Variants in HDAC4 observed in about 807,000 individuals in gnomAD.
HDAC4 encodes histone deacetylase 4.
Under a neutral mutation model 135.1 loss-of-function variants are expected in HDAC4, and 16 were observed. That is an observed-to-expected ratio of 0.12 (90% CI 0.08 to 0.18). The LOEUF (loss-of-function observed/expected upper bound fraction) is 0.18. Among genes scored for constraint, HDAC4 ranks in the 10% least tolerant of loss-of-function variants. The probability of loss-of-function intolerance (pLI) is 1.00; values close to 1 mark genes in which losing one functional copy is unlikely to be tolerated. For synonymous variants in HDAC4, 685 were observed against 653.4 expected (o/e 1.05, Z -0.74); for missense variants, 1,143 against 1,511.8 (o/e 0.76, Z 4.05).
chr2:239,114,177 C>T (rs2038925781), intron 13 of HDAC4, among the ~76,000 whole-genome samples: 1 of 152,150 alleles, frequency 6.6e-6, no homozygotes, highest in South Asian at 2.1e-4. Context: ...TTCCAAGGTG[C>T]TGCTGGGGGT....
At chr2:239,364,813 A>G (rs1204555736) in intron 1 of HDAC4, among the ~76,000 whole-genome samples, 3 of 152,246 alleles carry the variant, frequency 2.0e-5, no homozygotes, top group Non-Finnish European at 4.4e-5. Flanking sequence ...GAAGTATTTT[A>G]TAATTCTTGC....
chr2:239,177,123 A>G (rs2043825164), intron 4 of HDAC4, among the ~76,000 whole-genome samples: 1 of 152,246 alleles, frequency 6.6e-6, no homozygotes. Context: ...TGTGTTCATC[A>G]AAGAGAATAC....
At position 239,352,906 on chromosome 2, in the gene HDAC4, TCTGCAGATGAAC is replaced by T; in HGVS notation, c.-219_-208del. The T allele has an allele frequency of 1.7e-6, 1 of 605,446 alleles. No individual in the cohort carries two copies. The highest frequency in any genetic ancestry group is 3.0e-6 in the Non-Finnish European group (1 of 337,180). 37.5% of individuals were successfully genotyped at this position (605,446 alleles called of 1,614,324 possible). A position where few individuals can be genotyped will look rare whatever the true frequency, so the allele number is the denominator to read the frequency against. ...AGTTGAACAGAGGCGTCCGCTGGCT[TCTGCAGATGAAC>T]CTGCAAGGTCAGAAGGAGAAAAGAG... On this transcript the variant is annotated splice_region_variant and 5_prime_UTR_variant, in exon 2 of 27. Coordinates refer to ENST00000543185, the MANE Select transcript of HDAC4 (RefSeq NM_001378414.1). The surrounding 1 kb of genome is among the most constrained non-coding windows in gnomAD (Gnocchi z 4.4).
intron 2 of HDAC4, among the ~76,000 whole-genome samples, chr2:239,265,938 G>C (rs2049697977): frequency 6.6e-6 from 1 of 152,190 alleles, no homozygotes. Flanking sequence ...GGTGGGATGA[G>C]GTGAGGCCAA....
chr2:239,179,547 G>A (rs141505374), intron 4 of HDAC4, among the ~76,000 whole-genome samples: 157 of 152,238 alleles, frequency 1.0e-3, no homozygotes, highest in African/African-American at 3.5e-3. Context: ...ATTCTCCTGC[G>A]TCCCCCACCC....
chr2:239,063,930 G>T (rs550712207), intron 24 of HDAC4, among the ~76,000 whole-genome samples: 1 of 152,164 alleles, frequency 6.6e-6, no homozygotes, highest in African/African-American at 2.4e-5. Context: ...GAGGCTCAGC[G>T]CTGCCGGTCC....
At chr2:239,177,162 G>A (rs1458577529) in intron 4 of HDAC4, among the ~76,000 whole-genome samples, 1 of 152,170 alleles carries the variant, frequency 6.6e-6, no homozygotes, top group Non-Finnish European at 1.5e-5. Flanking sequence ...AACAACCTAC[G>A]TGTACACAAG....
intron 1 of HDAC4, among the ~76,000 whole-genome samples, chr2:239,394,304 A>G (rs924255565): frequency 6.6e-6 from 1 of 152,228 alleles, no homozygotes; most frequent in Non-Finnish European, 1.5e-5. Flanking sequence ...AGACTCCAAA[A>G]TGTTTATGTA....
intron 11 of HDAC4, among the ~76,000 whole-genome samples, chr2:239,128,374 C>A (rs1314016717): frequency 2.0e-5 from 3 of 151,920 alleles, no homozygotes; most frequent in Non-Finnish European, 2.9e-5. Flanking sequence ...ACTAAAAATA[C>A]AAAAATCAGC....
At chr2:239,099,453 T>C (rs927029145) in intron 16 of HDAC4, among the ~76,000 whole-genome samples, 1 of 152,194 alleles carries the variant, frequency 6.6e-6, no homozygotes, top group Non-Finnish European at 1.5e-5. Flanking sequence ...TGTCCCCTCA[T>C]GGGGCCCACA....
At chr2:239,250,951 C>T (rs948253535) in intron 2 of HDAC4, among the ~76,000 whole-genome samples, 2 of 152,218 alleles carry the variant, frequency 1.3e-5, no homozygotes, top group South Asian at 2.1e-4. Flanking sequence ...CGTGCCCCCG[C>T]CACACGCCTG....
intron 1 of HDAC4, among the ~76,000 whole-genome samples, chr2:239,381,423 G>C (rs1055937356): frequency 2.0e-5 from 3 of 152,140 alleles, no homozygotes; most frequent in African/African-American, 7.2e-5. Flanking sequence ...AAGAGATGGA[G>C]AAATGAAAAG....
intron 2 of HDAC4, among the ~76,000 whole-genome samples, chr2:239,327,707 G>A (rs1427325733): frequency 1.3e-5 from 2 of 152,178 alleles, no homozygotes; most frequent in African/African-American, 4.8e-5. Context: ...CACAGGATGG[G>A]ACTCAGAACC....
intron 4 of HDAC4, among the ~76,000 whole-genome samples, chr2:239,177,533 G>A (rs2043851881): frequency 6.6e-6 from 1 of 152,242 alleles, no homozygotes; most frequent in Admixed American, 6.5e-5. Flanking sequence ...AGCGGGTGGA[G>A]TGTCCGACCT....
chr2:239,290,247 G>A (rs939818694), intron 2 of HDAC4, among the ~76,000 whole-genome samples: 2 of 151,972 alleles, frequency 1.3e-5, no homozygotes, highest in Admixed American at 1.3e-4. Flanking sequence ...CTCTTACCTA[G>A]TTCCCTGTCA....
intron 3 of HDAC4, among the ~76,000 whole-genome samples, chr2:239,216,885 C>T (rs2046672339): frequency 1.3e-5 from 2 of 152,238 alleles, no homozygotes; most frequent in South Asian, 4.1e-4. Flanking sequence ...GAAGCTCTGA[C>T]TAAGCTACCT....
At chr2:239,114,712 C>G (rs1040503123) in intron 13 of HDAC4, among the ~76,000 whole-genome samples, 11 of 152,218 alleles carry the variant, frequency 7.2e-5, no homozygotes, top group Admixed American at 3.3e-4. Flanking sequence ...AGTTCCTTCA[C>G]TTCTTTAAAA....
rs112314114 is a variant in HDAC4 at position 239,342,360 on chromosome 2, T to C, written c.22+10318A>G. 1.3e-4 allele frequency among the ~76,000 whole-genome samples: 20 copies of C among 152,252 alleles called. 1 individual carries two copies. Among genetic ancestry groups the C allele is most frequent in the African/African-American group, 4.3e-4 (18 of 41,536 alleles). ...GAGCTAATTTGAACCTTTGAGAATG[T>C]AGTTGTATACAGAAAAGAAAAAACT... On this transcript the variant is annotated intron_variant, in intron 2 of 26. Transcript: ENST00000543185.
At chr2:239,337,446 A>C (rs1374512876) in intron 2 of HDAC4, among the ~76,000 whole-genome samples, 1 of 152,202 alleles carries the variant, frequency 6.6e-6, no homozygotes, top group Admixed American at 6.5e-5. Context: ...TTATCGCTGC[A>C]AACTTCCTCT....
Sources: gnomAD v4.1 joint callset for allele counts (sites outside exome capture counted in the v4.1 genomes callset) on GRCh38, gnomAD v4.1.1 for gene constraint, Gnocchi (gnomAD v3.1) non-coding constraint, MANE v1.5 for transcripts, NCBI Gene and HGNC (gene_info 2026-07-23, HGNC 2026-07-21) for gene names.